The following SLC38A4 variants were observed in gnomAD, a reference collection of about 807,000 sequenced individuals.
The protein encoded by SLC38A4 is solute carrier family 38 member 4.
A neutral mutation model predicts 63.1 loss-of-function variants in SLC38A4; 20 were observed. The ratio of observed to expected loss-of-function variants is 0.32; its 90% confidence interval spans 0.22 to 0.46. SLC38A4 has a LOEUF of 0.46. Among genes scored for constraint, SLC38A4 ranks in the 20% least tolerant of loss-of-function variants. SLC38A4 has a pLI of 1.00. For missense variants in SLC38A4, 526 were observed against 663.6 expected (o/e 0.79, Z 2.28); for synonymous variants, 230 against 225.5 (o/e 1.02, Z -0.18).
At chr12:46,810,278 T>G (rs116644528) in intron 1 of SLC38A4, among the ~76,000 whole-genome samples, 14 of 151,962 alleles carry the variant, frequency 9.2e-5, no homozygotes, top group African/African-American at 3.1e-4. Context: ...CTAATAATAA[T>G]AAGGTCCCTA....
chr12:46,829,682 G>T (rs1182216291), upstream of SLC38A4, among the ~76,000 whole-genome samples: 1 of 152,208 alleles, frequency 6.6e-6, no homozygotes, highest in East Asian at 1.9e-4. Flanking sequence ...GATTCAGAGA[G>T]TCCAGCTGCG....
At chr12:46,792,564 T>C (rs1938912214) in intron 3 of SLC38A4, among the ~76,000 whole-genome samples, 1 of 152,028 alleles carries the variant, frequency 6.6e-6, no homozygotes, top group Non-Finnish European at 1.5e-5. Flanking sequence ...ATATGGCATA[T>C]ATTTGGAGGG....
chr12:46,787,483 G>T (rs1429971432), intron 5 of SLC38A4, among the ~76,000 whole-genome samples: 1 of 152,130 alleles, frequency 6.6e-6, no homozygotes, highest in Non-Finnish European at 1.5e-5. Flanking sequence ...CCAATGGTGA[G>T]AGGGAATGTG....
chr12:46,795,460 A>G (rs1025924039), intron 2 of SLC38A4, among the ~76,000 whole-genome samples: 1 of 152,080 alleles, frequency 6.6e-6, no homozygotes, highest in African/African-American at 2.4e-5. Context: ...TATATTACCA[A>G]AACTTTGAAA....
chr12:46,831,948 CCCAT>C (rs1939737596), intron 1 of SLC38A4, among the ~76,000 whole-genome samples: 3 of 152,022 alleles, frequency 2.0e-5, no homozygotes, highest in African/African-American at 7.3e-5. Flanking sequence ...GCGGAGGTGC[CCCAT>C]ACCCCAGCCC....
At chr12:46,777,404 T>C (rs765745090) in intron 12 of SLC38A4, among the ~76,000 whole-genome samples, 13 of 151,658 alleles carry the variant, frequency 8.6e-5, no homozygotes, top group Non-Finnish European at 1.8e-4. Context: ...CTGCCAGGAG[T>C]CCAGACTACC....
In SLC38A4 at chr12:46,769,295, A is replaced by C; in HGVS notation, c.1433T>G (p.Phe478Cys). The C allele has an allele frequency of 1.2e-6, 2 of 1,613,132 alleles. No individual in the cohort carries two copies. Among genetic ancestry groups the C allele is most frequent in the Non-Finnish European group, 1.7e-6 (2 of 1,179,374 alleles). Residue 478 changes from phenylalanine (F) to cysteine (C), a missense_variant, in exon 15 of 17, where the codon TTC becomes TGC. Phe to Cys is a radical substitution (Grantham distance 205). Coordinates refer to ENST00000266579, the MANE Select transcript of SLC38A4 (RefSeq NM_018018.5). ...VILVPTIKYI[F>C]GFIGASSATM... ...TTTCTGAAACTCACCTATGAATCCG[A>C]AGATGTATTTTATAGTTGGCACAAG...
Position 46,793,200 on chromosome 12 carries a change from A to G in SLC38A4, c.-112-17T>C. On this transcript the variant is annotated splice_polypyrimidine_tract_variant and intron_variant, in intron 2 of 16. Coordinates refer to ENST00000266579, the MANE Select transcript of SLC38A4 (RefSeq NM_018018.5). ...CACTCTGTTCTGCAAACAGAACACA[A>G]CATACATCATTATAATTTTATTTAA... is the stretch of plus-strand genomic sequence containing the variant. The G allele has an allele frequency of 3.4e-6, 2 of 590,342 alleles. No individual in the cohort carries two copies. Among genetic ancestry groups the G allele is most frequent in the Non-Finnish European group, 6.1e-6 (2 of 330,320 alleles). The allele number at this position is 590,342 out of a possible 1,614,324, so 36.6% of individuals were successfully genotyped here. A position where few individuals can be genotyped will look rare whatever the true frequency, so the allele number is the denominator to read the frequency against.
At chr12:46,786,867 T>C (rs1938772076) in intron 5 of SLC38A4, among the ~76,000 whole-genome samples, 1 of 152,338 alleles carries the variant, frequency 6.6e-6, no homozygotes, top group South Asian at 2.1e-4. Context: ...AAACAGCACA[T>C]ATTTGTGATA....
At chr12:46,773,551 T>A (rs1938463785) in intron 14 of SLC38A4, among the ~76,000 whole-genome samples, 1 of 152,100 alleles carries the variant, frequency 6.6e-6, no homozygotes, top group Non-Finnish European at 1.5e-5. Context: ...TTACACACTA[T>A]TGCTGTTCCT....
chr12:46,773,186 A>T (rs925859104), intron 14 of SLC38A4, among the ~76,000 whole-genome samples: 1 of 152,088 alleles, frequency 6.6e-6, no homozygotes, highest in African/African-American at 2.4e-5. Flanking sequence ...AATTCGTAGC[A>T]CATGTCACCA....
At chr12:46,796,803 TG>T (rs1939017656) in intron 2 of SLC38A4, among the ~76,000 whole-genome samples, 1 of 152,120 alleles carries the variant, frequency 6.6e-6, no homozygotes, top group Non-Finnish European at 1.5e-5. Context: ...TAGTCAAAAA[TG>T]GTATCCCAAA....
At chr12:46,829,445 T>A (rs1423373070), upstream of SLC38A4, among the ~76,000 whole-genome samples, 8 of 148,410 alleles carry the variant, frequency 5.4e-5, no homozygotes, top group South Asian at 2.1e-4. Context: ...ATGTAAAAAG[T>A]AAAAAAAAAA....
At chr12:46,811,206 T>G (rs1939334532) in intron 1 of SLC38A4, among the ~76,000 whole-genome samples, 1 of 151,888 alleles carries the variant, frequency 6.6e-6, no homozygotes, top group Admixed American at 6.6e-5. Context: ...AGACCCAATC[T>G]CTCCTCTCAA....
At chr12:46,769,226 C>T in intron 15 of SLC38A4, 58 bp downstream of exon 15, 4 of 1,588,644 alleles carry the variant, frequency 2.5e-6, no homozygotes, top group Non-Finnish European at 3.5e-6. Context: ...GTTCCCTGTC[C>T]ATCATTTAAT....
chr12:46,766,911 A>C, intron 16 of SLC38A4, 109 bp from the exon 17 acceptor site: 1 of 683,798 alleles, frequency 1.5e-6, no homozygotes. Flanking sequence ...GAGCCATATT[A>C]TTCTTAATAT....
At chr12:46,808,969 G>C (rs1939289053) in intron 1 of SLC38A4, among the ~76,000 whole-genome samples, 1 of 151,930 alleles carries the variant, frequency 6.6e-6, no homozygotes. Context: ...CATAGCAATT[G>C]ATAGTTTAAA....
At chr12:46,784,420 T>G (rs966009739) in intron 7 of SLC38A4, 122 bp downstream of exon 7, 31 of 559,960 alleles carry the variant, frequency 5.5e-5, no homozygotes, top group African/African-American at 9.6e-5. Flanking sequence ...ATTTTAAAAT[T>G]TAAGAACTAT....
chr12:46,831,555 C>T (rs1002414204), intron 1 of SLC38A4, among the ~76,000 whole-genome samples: 1 of 152,202 alleles, frequency 6.6e-6, no homozygotes, highest in Non-Finnish European at 1.5e-5. Context: ...GAACCGCTGG[C>T]GCAGTTTTCA....
Sources: gnomAD v4.1 joint callset for allele counts (sites outside exome capture counted in the v4.1 genomes callset) on GRCh38, gnomAD v4.1.1 for gene constraint, MANE v1.5 for transcripts, NCBI Gene and HGNC (gene_info 2026-07-23, HGNC 2026-07-21) for gene names.